The following IGSF10 variants were observed in gnomAD, a reference collection of about 807,000 sequenced individuals.
IGSF10 encodes immunoglobulin superfamily member 10.
A neutral mutation model predicts 128.2 loss-of-function variants in IGSF10; 126 were observed. The observed-to-expected ratio is 0.98, with a 90% CI of 0.85 to 1.14. The LOEUF is 1.14. Ranked by LOEUF, IGSF10 falls within the 50% of genes most tolerant of loss-of-function variation. The probability of loss-of-function intolerance (pLI) is 0.00; values close to 1 mark genes in which losing one functional copy is unlikely to be tolerated. For synonymous variants in IGSF10, 1,185 were observed against 1,146.2 expected (o/e 1.03, Z -0.68); for missense variants, 3,295 against 3,149.8 (o/e 1.05, Z -1.10).
the IGSF10 span, among the ~76,000 whole-genome samples, chr3:151,526,803 T>C: frequency 6.6e-6 from 1 of 152,188 alleles, no homozygotes; most frequent in Admixed American, 6.5e-5. Context: ...CATCTTCATC[T>C]TTACCTAGTT....
At chr3:151,435,065 T>TC (rs1352601653), downstream of IGSF10, 54 of 130,342 alleles carry the variant, frequency 4.1e-4, no homozygotes, top group African/African-American at 1.7e-3. Flanking sequence ...GAGGTTTCTT[T>TC]TTTTTTTTTT....
the IGSF10 span, among the ~76,000 whole-genome samples, chr3:151,596,478 A>ATGTG: frequency 1.3e-5 from 2 of 151,148 alleles, no homozygotes; most frequent in East Asian, 1.9e-4. Context: ...TATGGTGTTT[A>ATGTG]TGTGTGTGTG....
In IGSF10 at chr3:151,437,624, A is replaced by G. The variant is rs1270489553; in HGVS notation, c.6937T>C (p.Cys2313Arg). ...TCTCCACCTTCATTTCGGGCCACAC[A>G]GATAAAGTCGGCTGAATCTGAAAGC... ...VRLSDSADFI[C>R]VARNEGGESV... is the part of the protein sequence containing the mutation. The change falls in exon 8 of 8, where the codon TGT (cysteine) becomes CGT (arginine). Residue 2313 changes from cysteine (C) to arginine (R), a missense_variant. Coordinates refer to ENST00000282466, the MANE Select transcript of IGSF10 (RefSeq NM_178822.5). 1.2e-6 allele frequency: 2 copies of G among 1,614,220 alleles called. No homozygotes were observed. Among genetic ancestry groups the G allele is most frequent in the Admixed American group, 1.7e-5 (1 of 60,026 alleles).
intron 2 of IGSF10, 80 bp downstream of exon 2, chr3:151,460,181 G>T: frequency 3.6e-6 from 1 of 281,016 alleles, no homozygotes; most frequent in Non-Finnish European, 5.4e-6. Flanking sequence ...AGGATCAATA[G>T]CATAAGACAA....
chr3:151,540,258 G>A, the IGSF10 span, among the ~76,000 whole-genome samples: 1 of 152,012 alleles, frequency 6.6e-6, no homozygotes, highest in African/African-American at 2.4e-5. Flanking sequence ...TCGAAAAACA[G>A]AACATTACCA....
Position 151,445,798 on chromosome 3 carries a change from G to A in IGSF10, c.4183C>T (p.His1395Tyr), listed in dbSNP as rs768778870. Residue 1395 changes from histidine to tyrosine, a missense_variant, in exon 6 of 8, where the codon CAT becomes TAT. By Grantham distance (83) the His-to-Tyr change is moderately conservative. Transcript: ENST00000282466. Reference sequence around the variant, plus strand: ...CCAGTTGTGTTTTCTGGTGGGGAATGAGTGAATGCAGAGACACTGGGCTTG... The same window carrying A: ...CCAGTTGTGTTTTCTGGTGGGGAATAAGTGAATGCAGAGACACTGGGCTTG... The part of the protein sequence containing the change: ...SVKPSVSAFT[H>Y]SPPENTTGIS... 6.2e-7 allele frequency: 1 copy of A among 1,614,246 alleles called. No individual in the cohort carries two copies. Among genetic ancestry groups the A allele is most frequent in the Non-Finnish European group, 8.5e-7 (1 of 1,180,044 alleles).
At chr3:151,604,685 A>G in the IGSF10 span, among the ~76,000 whole-genome samples, 1 of 151,872 alleles carries the variant, frequency 6.6e-6, no homozygotes, top group African/African-American at 2.4e-5. Context: ...AAAACCTTCC[A>G]GCTGCCAAAG....
the IGSF10 span, among the ~76,000 whole-genome samples, chr3:151,546,932 G>T: frequency 4.7e-4 from 72 of 151,986 alleles, no homozygotes; most frequent in African/African-American, 1.7e-3. Context: ...CACCACGCCC[G>T]GCTAATTTTT....
the IGSF10 span, among the ~76,000 whole-genome samples, chr3:151,507,514 A>G: frequency 6.6e-6 from 1 of 152,212 alleles, no homozygotes; most frequent in Non-Finnish European, 1.5e-5. Context: ...CGATTTATAA[A>G]GAAAGGAGAT....
At chr3:151,598,851 AAC>A in the IGSF10 span, among the ~76,000 whole-genome samples, 1 of 152,206 alleles carries the variant, frequency 6.6e-6, no homozygotes, top group Non-Finnish European at 1.5e-5. Context: ...ATTTGTATTT[AAC>A]ATCAAAGCTG....
chr3:151,452,398 G>A lies in IGSF10; in HGVS notation c.715+986C>T, dbSNP rs571306876. On this transcript the variant is annotated intron_variant, in intron 5 of 7. Coordinates refer to ENST00000282466, the MANE Select transcript of IGSF10 (RefSeq NM_178822.5). Reference sequence around the variant, plus strand: ...TGTATTACTCTACTGAATACTGTAAGCAATTGTAATACAATTGTAATTATT... The same window carrying A: ...TGTATTACTCTACTGAATACTGTAAACAATTGTAATACAATTGTAATTATT... Among the ~76,000 whole-genome samples the A allele has an allele frequency of 2.8e-4, 43 of 152,318 alleles. 1 individual carries two copies. Among genetic ancestry groups the A allele is most frequent in the Admixed American group, 2.5e-3 (39 of 15,298 alleles).
At chr3:151,499,913 G>A in the IGSF10 span, 4 of 152,040 alleles carry the variant, frequency 2.6e-5, no homozygotes, top group Non-Finnish European at 5.9e-5. Flanking sequence ...AATGATGAGC[G>A]ACTTGGTGTT....
At chr3:151,472,666 G>C in the IGSF10 span, among the ~76,000 whole-genome samples, 72 of 152,218 alleles carry the variant, frequency 4.7e-4, no homozygotes, top group African/African-American at 1.6e-3. Context: ...TCACTGGAAG[G>C]CCTCATGCTT....
the IGSF10 span, among the ~76,000 whole-genome samples, chr3:151,577,641 A>C: frequency 1.4e-3 from 212 of 152,164 alleles, no homozygotes; most frequent in African/African-American, 4.9e-3. Flanking sequence ...ATCACTCCTA[A>C]ACCAACACCA....
At chr3:151,492,080 C>T in the IGSF10 span, among the ~76,000 whole-genome samples, 2 of 151,960 alleles carry the variant, frequency 1.3e-5, no homozygotes, top group African/African-American at 4.8e-5. Context: ...AACCTACAGA[C>T]TGGAAAAAAA....
intron 7 of IGSF10, chr3:151,440,512 C>G (rs1720786544): frequency 2.2e-6 from 1 of 456,368 alleles, no homozygotes; most frequent in Admixed American, 2.4e-5. Context: ...GTTGTTTAAT[C>G]TTGAAGTAAT....
the IGSF10 span, among the ~76,000 whole-genome samples, chr3:151,532,021 A>G: frequency 1.3e-5 from 2 of 152,190 alleles, no homozygotes; most frequent in African/African-American, 4.8e-5. Flanking sequence ...ACAGAAATAC[A>G]AACTACCATC....
At chr3:151,616,962 A>G in the IGSF10 span, among the ~76,000 whole-genome samples, 1 of 152,184 alleles carries the variant, frequency 6.6e-6, no homozygotes, top group Non-Finnish European at 1.5e-5. Flanking sequence ...ACAGGACATC[A>G]CATAGTGAGA....
At position 151,443,019 on chromosome 3, in the gene IGSF10, C is replaced by A; in HGVS notation, c.5928G>T (p.Arg1976Ser). 1 of 1,614,132 alleles carries A rather than the reference C, an allele frequency of 6.2e-7. No homozygotes were observed. Among genetic ancestry groups the A allele is most frequent in the African/African-American group, 1.3e-5 (1 of 75,036 alleles). ...TGEPKPQIMW[R>S]LPSKAVVDQQ... ...GGTCGACCACAGCCTTGGATGGTAA[C>A]CTCCACATTATTTGGGGTTTGGGCT... The change falls in exon 7 of 8, where the codon AGG (arginine) becomes AGT (serine). Residue 1976 changes from arginine (R) to serine (S), a missense_variant. Coordinates refer to ENST00000282466, the MANE Select transcript of IGSF10 (RefSeq NM_178822.5).
Sources: gnomAD v4.1 joint callset for allele counts (sites outside exome capture counted in the v4.1 genomes callset) on GRCh38, gnomAD v4.1.1 for gene constraint, MANE v1.5 for transcripts, NCBI Gene and HGNC (gene_info 2026-07-23, HGNC 2026-07-21) for gene names.